Variants in DNAI2 observed in about 807,000 individuals in gnomAD.
DNAI2 encodes the protein dynein axonemal intermediate chain 2, also known as dynein, axonemal, intermediate polypeptide 2.
A neutral mutation model predicts 74.7 loss-of-function variants in DNAI2; 63 were observed. The observed-to-expected ratio is 0.84, with a 90% confidence interval of 0.69 to 1.04. The LOEUF (loss-of-function observed/expected upper bound fraction) is 1.04. DNAI2 is among the 50% of genes least tolerant of loss of function. The pLI, the probability that DNAI2 is intolerant of heterozygous loss-of-function variation, is 0.00. For missense variants in DNAI2, 688 were observed against 803.2 expected (o/e 0.86, Z 1.73); for synonymous variants, 289 against 314.9 (o/e 0.92, Z 0.87).
chr17:74,279,445 C>G (rs796626501), intron 1 of DNAI2, among the ~76,000 whole-genome samples: 4 of 151,986 alleles, frequency 2.6e-5, no homozygotes, highest in African/African-American at 9.7e-5. Flanking sequence ...CTCCTGTGCC[C>G]CATAAATATA....
At chr17:74,303,134 C>T (rs927528086) in intron 8 of DNAI2, among the ~76,000 whole-genome samples, 4 of 152,160 alleles carry the variant, frequency 2.6e-5, no homozygotes, top group African/African-American at 4.8e-5. Flanking sequence ...ACAACCATCT[C>T]GTGGGGTAAT....
intron 8 of DNAI2, 97 bp from the exon 9 acceptor site, chr17:74,305,122 C>A: frequency 7.8e-7 from 1 of 1,279,156 alleles, no homozygotes; most frequent in Non-Finnish European, 1.1e-6. Flanking sequence ...GCCTTTCTAG[C>A]GCCTGCAGAC....
chr17:74,310,109 G>A lies in DNAI2; in HGVS notation c.1440G>A (p.Glu480=), dbSNP rs1460296180. 2 of 1,613,724 alleles carry A rather than the reference G, an allele frequency of 1.2e-6. No homozygotes were observed. Among genetic ancestry groups the A allele is most frequent in the African/African-American group, 2.7e-5 (2 of 74,918 alleles). ...AGCTGGGGACAACCACCCTGCTGGA[G>A]GTCTCGCCTGGGCTCTCTACCCTCC... The part of the protein sequence containing the change: ...GSQLGTTTLL[E]VSPGLSTLQR... The change falls in exon 11 of 14, where the codon GAG becomes GAA. Residue 480 remains glutamate (E), a synonymous_variant. Coordinates refer to ENST00000311014, the MANE Select transcript of DNAI2 (RefSeq NM_023036.6).
At position 74,314,055 on chromosome 17, in the gene DNAI2, C is replaced by T. The variant is rs1319788593; in HGVS notation, c.1723-66C>T. 2.5e-6 allele frequency: 4 copies of T among 1,611,268 alleles called. No homozygotes were observed. In the African/African-American group the frequency reaches 4.0e-5, roughly 16 times the overall value. On this transcript the variant is annotated intron_variant, in intron 12 of 13. Transcript: ENST00000311014. The stretch of plus-strand genomic sequence containing the variant: ...GCTTTGGTCCTCGTGGGGTTCACAT[C>T]CCAGGGGAGTGGGGAAGGCCTGTCC...
chr17:74,313,514 C>T (rs1567881916), intron 12 of DNAI2, among the ~76,000 whole-genome samples: 1 of 152,132 alleles, frequency 6.6e-6, no homozygotes, highest in Non-Finnish European at 1.5e-5. Flanking sequence ...ATGACACTGG[C>T]CACCTTTTAC....
At chr17:74,312,738 C>T (rs1040321778) in intron 12 of DNAI2, among the ~76,000 whole-genome samples, 7 of 152,170 alleles carry the variant, frequency 4.6e-5, no homozygotes, top group African/African-American at 1.7e-4. Context: ...GCTGTATCAC[C>T]TGAGCTGGTC....
chr17:74,281,569 T>C (rs2051387478), intron 1 of DNAI2: 5 of 589,022 alleles, frequency 8.5e-6, no homozygotes, highest in African/African-American at 1.9e-5. Flanking sequence ...AAATTTTTAT[T>C]GCCCTCCTCA....
intron 6 of DNAI2, among the ~76,000 whole-genome samples, chr17:74,292,491 A>G (rs1026481783): frequency 7.1e-6 from 1 of 140,672 alleles, no homozygotes; most frequent in Non-Finnish European, 1.5e-5. Context: ...ATCACTGCTC[A>G]TTGCAGCCTC....
At chr17:74,293,141 G>T (rs2052231026) in intron 6 of DNAI2, among the ~76,000 whole-genome samples, 1 of 152,150 alleles carries the variant, frequency 6.6e-6, no homozygotes, top group African/African-American at 2.4e-5. Flanking sequence ...CCTGTCCAGT[G>T]GAGTTTTCTA....
intron 9 of DNAI2, 75 bp from the exon 10 acceptor site, chr17:74,309,178 G>A: frequency 1.3e-6 from 2 of 1,558,868 alleles, no homozygotes; most frequent in East Asian, 2.3e-5. Context: ...CTGGAGCCCA[G>A]AAGGGACCAA....
At chr17:74,301,447 A>G (rs992384077) in intron 8 of DNAI2, among the ~76,000 whole-genome samples, 6 of 152,204 alleles carry the variant, frequency 3.9e-5, no homozygotes, top group Non-Finnish European at 7.3e-5. Flanking sequence ...TGACAGAACA[A>G]TTCCAGAAAA....
chr17:74,286,769 G>A (rs771020484), intron 3 of DNAI2, among the ~76,000 whole-genome samples: 2 of 152,086 alleles, frequency 1.3e-5, no homozygotes, highest in African/African-American at 4.8e-5. Context: ...CTGTTCATGC[G>A]CTGCATGTAT....
intron 1 of DNAI2, among the ~76,000 whole-genome samples, chr17:74,274,565 C>A (rs909893225): frequency 1.3e-5 from 2 of 152,142 alleles, no homozygotes; most frequent in Admixed American, 6.6e-5. Context: ...AGTCGCAGGA[C>A]CCTGCAGCCT....
chr17:74,306,704 A>G (rs11655226), intron 9 of DNAI2, among the ~76,000 whole-genome samples: 80,318 of 151,722 alleles, frequency 0.53, 22,289 homozygotes, highest in Non-Finnish European at 0.65. Flanking sequence ...TGCAACCTCC[A>G]CCTCCCGAGT....
chr17:74,306,110 C>T (rs1186720373), intron 9 of DNAI2, among the ~76,000 whole-genome samples: 5 of 152,200 alleles, frequency 3.3e-5, no homozygotes, highest in South Asian at 4.1e-4. Flanking sequence ...AGTGAGGAGC[C>T]GAGATTGGGT....
rs2052704924 is a variant in DNAI2, at chr17:74,300,604, A to G, written c.865-442A>G. On this transcript the variant is annotated intron_variant, in intron 7 of 13. Transcript: ENST00000311014. This position sits in a 1 kb window ranked among gnomAD's most constrained non-coding sequence, Gnocchi z 4.5. ...CTAATATTTTGTTGCTACCCCCCAA[A>G]AAATACAGCAAAGAGCATCTTTATA... Among the ~76,000 whole-genome samples the G allele has an allele frequency of 2.6e-5, 4 of 152,330 alleles. No homozygotes were observed.
chr17:74,303,070 A>G (rs977540227), intron 8 of DNAI2, among the ~76,000 whole-genome samples: 5 of 152,206 alleles, frequency 3.3e-5, no homozygotes, highest in Admixed American at 1.3e-4. Context: ...CAGGGTGCAC[A>G]CTGTGTGTTG....
chr17:74,284,628 G>A (rs780463497), intron 2 of DNAI2, among the ~76,000 whole-genome samples: 3 of 152,034 alleles, frequency 2.0e-5, no homozygotes, highest in Non-Finnish European at 2.9e-5. Context: ...TAGCGAGGAC[G>A]GTCTCGATCT....
chr17:74,285,258 A>G, intron 3 of DNAI2, 57 bp downstream of exon 3: 2 of 1,591,060 alleles, frequency 1.3e-6, no homozygotes, highest in Non-Finnish European at 1.7e-6. Context: ...CAGCTCCCCA[A>G]GGGATGCACT....
Sources: gnomAD v4.1 joint callset for allele counts (sites outside exome capture counted in the v4.1 genomes callset) on GRCh38, gnomAD v4.1.1 for gene constraint, Gnocchi (gnomAD v3.1) non-coding constraint, MANE v1.5 for transcripts, NCBI Gene and HGNC (gene_info 2026-07-23, HGNC 2026-07-21) for gene names.